AATK: variants seen among roughly 807,000 people sequenced by gnomAD.
The protein encoded by AATK is lemur tail kinase 1, also known as serine/threonine-protein kinase LMTK1.
AATK carries 91 observed loss-of-function variants against 114.3 expected under a neutral mutation model. The ratio of observed to expected loss-of-function variants is 0.80; its 90% confidence interval spans 0.67 to 0.95. The LOEUF is 0.95. Among genes scored for constraint, AATK ranks in the 40% least tolerant of loss-of-function variants. AATK has a pLI of 0.00. For missense variants in AATK, 2,176 were observed against 1,965.2 expected (o/e 1.11, Z -2.03); for synonymous variants, 1,075 against 916.5 (o/e 1.17, Z -3.12).
rs1180842725 is a variant in AATK, at chr17:81,117,522, A to AC, written c.*879dup. On this transcript the variant is annotated 3_prime_UTR_variant, in exon 14 of 14. Transcript: ENST00000326724. ...CCTGTGCTGCCCTGCCCCCAGCTCC[A>AC]CCCCTTCCCCACCATCCCTCTCCCT... The AC allele has an allele frequency of 3.3e-5, 5 of 152,160 alleles. No homozygotes were observed. The highest frequency in any genetic ancestry group is 4.8e-5 in the African/African-American group (2 of 41,388). 9.4% of individuals were successfully genotyped at this position (152,160 alleles called of 1,614,324 possible). A position where few individuals can be genotyped will look rare whatever the true frequency, so the allele number is the denominator to read the frequency against.
intron 1 of AATK, among the ~76,000 whole-genome samples, chr17:81,138,810 G>A (rs1183783385): frequency 5.4e-5 from 8 of 147,936 alleles, no homozygotes; most frequent in African/African-American, 2.0e-4. Flanking sequence ...CCACTTGCGC[G>A]TGCACACCCA....
At chr17:81,147,166 T>A (rs991382701) in intron 1 of AATK, among the ~76,000 whole-genome samples, 4 of 151,322 alleles carry the variant, frequency 2.6e-5, no homozygotes, top group African/African-American at 9.7e-5. Context: ...ATCGAGACCA[T>A]CCTGGCTAAC....
chr17:81,148,412 G>A (rs771110305), intron 1 of AATK, among the ~76,000 whole-genome samples: 23 of 152,304 alleles, frequency 1.5e-4, no homozygotes, highest in Non-Finnish European at 3.2e-4. Context: ...CTTGCAAAGC[G>A]CCTGATGTGG....
In AATK at chr17:81,122,420, A is replaced by G. The variant is rs1488120230; in HGVS notation, c.1516T>C (p.Cys506Arg). ...CCCGGGGGCGCGCCGTCGGGGGCGC[A>G]CAGCTCCTGCAGGCGTGCGGTGCGG... ...PGRTARLQEL[C>R]APDGAPPGVV... The change falls in exon 11 of 14, where the codon TGC becomes CGC. Residue 506 changes from cysteine (C) to arginine (R), a missense_variant. Physicochemically the swap from Cys to Arg is radical, Grantham distance 180 (BLOSUM62 -3). Around this residue, in one of 4 missense-constraint regions of AATK, gnomAD observed 1,701 missense variants for 1,394.7 expected, o/e 1.22. Transcript: ENST00000326724. 2.1e-5 allele frequency: 30 copies of G among 1,461,550 alleles called. No individual in the cohort carries two copies. Among genetic ancestry groups the G allele is most frequent in the Admixed American group, 2.4e-5 (1 of 40,926 alleles). The allele number at this position is 1,461,550 out of a possible 1,614,324, so 90.5% of individuals were successfully genotyped here. A position where few individuals can be genotyped will look rare whatever the true frequency, so the allele number is the denominator to read the frequency against.
rs1427852410 is a variant in AATK at position 81,126,485 on chromosome 17, T to G, written c.697A>C (p.Met233Leu). 1 of 1,555,356 alleles carries G rather than the reference T, an allele frequency of 6.4e-7. No homozygotes were observed. ...ACGCCACAGGCCACCTCACAGGCCATGCGCTGCAGGGTCCGGGGGTCGGGA... is the reference window on the plus strand; with the variant it reads ...ACGCCACAGGCCACCTCACAGGCCAGGCGCTGCAGGGTCCGGGGGTCGGGA... ...MAPDPRTLQR[M>L]ACEVACGVLH... Residue 233 changes from methionine (M) to leucine (L), a missense_variant, in exon 7 of 14, where the codon ATG (methionine) becomes CTG (leucine). By Grantham distance (15) the Met-to-Leu change is conservative. This residue lies in a region of AATK where 273 missense variants were observed against 344.1 expected (regional missense o/e 0.79). Coordinates refer to ENST00000326724, the MANE Select transcript of AATK (RefSeq NM_001080395.3). This position sits in a 1 kb window ranked among gnomAD's most constrained non-coding sequence, Gnocchi z 5.1.
chr17:81,157,132 G>C (rs991285940), intron 1 of AATK, among the ~76,000 whole-genome samples: 1 of 152,232 alleles, frequency 6.6e-6, no homozygotes, highest in Admixed American at 6.5e-5. Context: ...GGACAGGGCA[G>C]GGGCTGTAAG....
chr17:81,144,065 C>T (rs759305275), intron 1 of AATK, among the ~76,000 whole-genome samples: 1 of 152,246 alleles, frequency 6.6e-6, no homozygotes, highest in South Asian at 2.1e-4. Flanking sequence ...TCTCTGCCCC[C>T]ACCCCTGTCC....
At chr17:81,136,852 C>T (rs531669237) in intron 1 of AATK, among the ~76,000 whole-genome samples, 2 of 152,292 alleles carry the variant, frequency 1.3e-5, no homozygotes, top group East Asian at 1.9e-4. Context: ...TCCACAGAAG[C>T]GGTCAGTTTC....
At position 81,124,712 on chromosome 17, in the gene AATK, C is replaced by G; in HGVS notation, c.962+15G>C. 1 of 1,610,756 alleles carries G rather than the reference C, an allele frequency of 6.2e-7. No individual in the cohort carries two copies. The highest frequency in any genetic ancestry group is 8.5e-7 in the Non-Finnish European group (1 of 1,178,352). Reference sequence around the variant, plus strand: ...CGGCCTCGGCCCCTCACGGTGCCACCAGGGCCGCACTCACCACACATTCCC... The same window carrying G: ...CGGCCTCGGCCCCTCACGGTGCCACGAGGGCCGCACTCACCACACATTCCC... On this transcript the variant is annotated intron_variant, in intron 9 of 13. Transcript: ENST00000326724.
In AATK at chr17:81,119,533, C is replaced by A; in HGVS notation, c.3931G>T (p.Ala1311Ser). Residue 1311 changes from alanine (A) to serine (S), a missense_variant, in exon 13 of 14, where the codon GCA becomes TCA. Ala to Ser is a moderately conservative substitution (Grantham distance 99, BLOSUM62 1). Transcript: ENST00000326724. ...GGGTCTAGGGCCATGGCGAAGGCTG[C>A]CTTGGCCGTCATCAGCGGGAAGTCG... ...DDDFPLMTAKAAFAMALDPAA... is the reference protein window; with the variant it reads ...DDDFPLMTAKSAFAMALDPAA... 1 of 1,578,802 alleles carries A rather than the reference C, an allele frequency of 6.3e-7. No individual in the cohort carries two copies. The highest frequency in any genetic ancestry group is 8.6e-7 in the Non-Finnish European group (1 of 1,164,938).
chr17:81,121,011 G>T lies in AATK; in HGVS notation c.2925C>A (p.Pro975=), dbSNP rs550286805. ...TGAGGGAGGTGGAGAGCCGTGTCTC[G>T]GGCCCGGGGCCCTCACCCTCTGAGG... ...ELASEGEGPG[P]ETRLSTSLSG... Residue 975 remains proline, a synonymous_variant, in exon 11 of 14, where the codon CCC becomes CCA. Coordinates refer to ENST00000326724, the MANE Select transcript of AATK (RefSeq NM_001080395.3). 6.2e-7 allele frequency: 1 copy of T among 1,609,884 alleles called. No homozygotes were observed. Among genetic ancestry groups the T allele is most frequent in the South Asian group, 1.1e-5 (1 of 90,350 alleles).
intron 10 of AATK, 84 bp downstream of exon 10, chr17:81,123,110 G>A: frequency 2.2e-6 from 3 of 1,343,588 alleles, no homozygotes; most frequent in Non-Finnish European, 2.9e-6. Context: ...GAACGCCAGG[G>A]GGTCAGGGTG....
At chr17:81,141,445 C>T (rs2061136924) in intron 1 of AATK, among the ~76,000 whole-genome samples, 1 of 151,890 alleles carries the variant, frequency 6.6e-6, no homozygotes, top group African/African-American at 2.4e-5. Context: ...AGACTCTGTC[C>T]CCCCCAAAAG....
chr17:81,123,600 C>T (rs1176641649), intron 9 of AATK, among the ~76,000 whole-genome samples: 2 of 152,200 alleles, frequency 1.3e-5, no homozygotes, highest in African/African-American at 4.8e-5. Context: ...ATCTGCTTGT[C>T]CACTCATTCA....
chr17:81,124,219 C>T (rs972388651), intron 9 of AATK, among the ~76,000 whole-genome samples: 18 of 152,198 alleles, frequency 1.2e-4, no homozygotes, highest in South Asian at 6.2e-4. Flanking sequence ...GCGCCCACCC[C>T]GGGGCGGACC....
At position 81,120,053 on chromosome 17, in the gene AATK, AG is replaced by A; in HGVS notation, c.3765del (p.Phe1256SerfsTer51). On this transcript the variant is annotated frameshift_variant, in exon 12 of 14. Coordinates refer to ENST00000326724, the MANE Select transcript of AATK (RefSeq NM_001080395.3). LOFTEE classifies it high-confidence loss of function. ...QESPTRELGE[P>X]FPGAKESPPT... ...GGGGGCGATTCCTTGGCGCCCGGGA[AG>A]GGCTCCCCGAGCTCCCGGGTGGGGC... 6.9e-7 allele frequency: 1 copy of A among 1,457,032 alleles called. No individual in the cohort carries two copies. The highest frequency in any genetic ancestry group is 1.4e-5 in the South Asian group (1 of 73,198). The allele number at this position is 1,457,032 out of a possible 1,614,324, so 90.3% of individuals were successfully genotyped here. A position where few individuals can be genotyped will look rare whatever the true frequency, so the allele number is the denominator to read the frequency against.
At chr17:81,163,784 CA>C (rs745551115) in intron 1 of AATK, among the ~76,000 whole-genome samples, 9 of 152,262 alleles carry the variant, frequency 5.9e-5, no homozygotes, top group Non-Finnish European at 8.8e-5. Context: ...TGTACCACCA[CA>C]ACTGCCGTCA....
At chr17:81,143,195 A>G (rs8072159) in intron 1 of AATK, among the ~76,000 whole-genome samples, 101,343 of 151,850 alleles carry the variant, frequency 0.67, 34,721 homozygotes, top group African/African-American at 0.78. Context: ...ACCTGGCTCG[A>G]TGAGCCCCCA....
chr17:81,166,008 C>G lies in AATK; in HGVS notation c.-16G>C. ...ACGACGACATGGCCGGGCCAGCGGC[C>G]GGCGGGCATCCCGGGAGGGCGCTGC... On this transcript the variant is annotated 5_prime_UTR_variant, in exon 1 of 14. Transcript: ENST00000326724. The G allele has an allele frequency of 6.4e-7, 1 of 1,550,580 alleles. No homozygotes were observed.
Sources: allele counts gnomAD v4.1 joint callset (sites outside exome capture counted in the v4.1 genomes callset), GRCh38; gene constraint gnomAD v4.1.1; regional missense constraint gnomAD v4.1.1; non-coding constraint Gnocchi (gnomAD v3.1); transcripts MANE v1.5; gene names NCBI Gene and HGNC (gene_info 2026-07-23, HGNC 2026-07-21).